TERF2: variants seen among roughly 807,000 people sequenced by gnomAD.
TERF2 encodes the protein telomeric repeat-binding factor 2.
Under a neutral mutation model 56.1 loss-of-function variants are expected in TERF2, and 16 were observed. That is an observed-to-expected ratio of 0.29 (90% CI 0.19 to 0.43). TERF2 has a LOEUF of 0.43. TERF2 is among the 20% of genes least tolerant of loss of function. TERF2 has a pLI of 1.00. For synonymous variants in TERF2, 296 were observed against 282.1 expected, an observed-to-expected ratio of 1.05 and a Z score of -0.50; for missense variants, 547 against 712.9, an observed-to-expected ratio of 0.77 and a Z score of 2.65.
chr16:69,371,455 T>C (rs2013570684), intron 4 of TERF2, among the ~76,000 whole-genome samples: 1 of 141,278 alleles, frequency 7.1e-6, no homozygotes, highest in Admixed American at 7.7e-5. Flanking sequence ...GAGCCAAGAT[T>C]GGGCCACTAT....
Position 69,385,378 on chromosome 16 carries a change from A to G in TERF2, c.475+13T>C, listed in dbSNP as rs750403772. On this transcript the variant is annotated intron_variant, in intron 2 of 9. Coordinates refer to ENST00000254942, the MANE Select transcript of TERF2 (RefSeq NM_005652.5). ...GCAAGTAAGCCCAGAGAAGAACACA[A>G]AAATAGCCATACCTAAATTTTCCCC... 1 of 1,612,102 alleles carries G rather than the reference A, an allele frequency of 6.2e-7. No individual in the cohort carries two copies. The highest frequency in any genetic ancestry group is 2.2e-5 in the East Asian group (1 of 44,862).
In TERF2 at chr16:69,356,478, A is replaced by C; in HGVS notation, c.*420T>G. The C allele has an allele frequency of 3.6e-6, 1 of 275,774 alleles. No individual in the cohort carries two copies. Among genetic ancestry groups the C allele is most frequent in the South Asian group, 3.4e-5 (1 of 29,528 alleles). The allele number at this position is 275,774 out of a possible 1,614,324, so 17.1% of individuals were successfully genotyped here. The stretch of plus-strand genomic sequence containing the variant: ...TCCCCCACGTCGAAGGAGGTTGCCC[A>C]AAATTCTCATCCCAGCCCAGCTTCT... On this transcript the variant is annotated 3_prime_UTR_variant, in exon 10 of 10. Transcript: ENST00000254942.
Position 69,377,857 on chromosome 16 carries a change from T to C in TERF2, c.607-5502A>G, listed in dbSNP as rs184524486. On this transcript the variant is annotated intron_variant, in intron 3 of 9. Transcript: ENST00000254942. ...AACTTACAGGATTTTTTTTTTTGTA[T>C]ACTTCATGAGATTTCTACATAGTCC... Among the ~76,000 whole-genome samples the C allele has an allele frequency of 1.5e-3, 224 of 152,284 alleles. 1 individual carries two copies. The highest frequency in any genetic ancestry group is 4.0e-3 in the Admixed American group (61 of 15,294).
intron 8 of TERF2, among the ~76,000 whole-genome samples, chr16:69,360,227 A>C (rs1453239104): frequency 2.0e-5 from 3 of 152,038 alleles, no homozygotes; most frequent in Non-Finnish European, 4.4e-5. Context: ...ACTACTAAAA[A>C]TACAAAAATT....
At chr16:69,367,564 T>C (rs2013400304) in intron 6 of TERF2, among the ~76,000 whole-genome samples, 1 of 152,070 alleles carries the variant, frequency 6.6e-6, no homozygotes, top group Non-Finnish European at 1.5e-5. Flanking sequence ...ACAACACACT[T>C]AAGAGCAGGA....
chr16:69,368,447 G>A lies in TERF2; in HGVS notation c.876C>T (p.Ala292=), dbSNP rs755518026. Residue 292 remains alanine, a synonymous_variant, in exon 6 of 10, where the codon GCC becomes GCT. Coordinates refer to ENST00000254942, the MANE Select transcript of TERF2 (RefSeq NM_005652.5). The part of the protein sequence containing the change: ...AKKALKSESA[A]SSTGKEDKQP... Reference sequence around the variant, plus strand: ...GTTTATCTTCCTTCCCTGTACTTGAGGCAGCGGACTCAGATTTCAAAGCCT... The same window carrying A: ...GTTTATCTTCCTTCCCTGTACTTGAAGCAGCGGACTCAGATTTCAAAGCCT... 1.2e-6 allele frequency: 2 copies of A among 1,614,104 alleles called. No individual in the cohort carries two copies. Among genetic ancestry groups the A allele is most frequent in the Non-Finnish European group, 1.7e-6 (2 of 1,180,022 alleles).
chr16:69,378,286 G>A (rs956513199), intron 3 of TERF2, among the ~76,000 whole-genome samples: 2 of 152,162 alleles, frequency 1.3e-5, no homozygotes, highest in African/African-American at 4.8e-5. Context: ...CAAGCAGCAG[G>A]ACAGACAGTG....
At chr16:69,385,525 C>T in intron 1 of TERF2, 39 bp from the exon 2 acceptor site, 4 of 1,612,626 alleles carry the variant, frequency 2.5e-6, no homozygotes, top group Non-Finnish European at 3.4e-6. Context: ...GACCCCCAGT[C>T]CCGACTCCCG....
chr16:69,382,153 A>T (rs184117943), intron 3 of TERF2, among the ~76,000 whole-genome samples: 1 of 152,360 alleles, frequency 6.6e-6, no homozygotes, highest in East Asian at 1.9e-4. Context: ...GGCTTCTCTG[A>T]AAGGGTCCTG....
chr16:69,365,716 G>A (rs2013318661), intron 7 of TERF2: 1 of 152,262 alleles, frequency 6.6e-6, no homozygotes, highest in African/African-American at 2.4e-5. Flanking sequence ...AGTAGAGACG[G>A]AGTTTCACCA....
At chr16:69,379,373 T>C (rs1015241931) in intron 3 of TERF2, among the ~76,000 whole-genome samples, 1 of 152,262 alleles carries the variant, frequency 6.6e-6, no homozygotes, top group Non-Finnish European at 1.5e-5. Context: ...ATCAAGCTGC[T>C]GTTGCCAAAG....
At chr16:69,377,399 C>T (rs1407305891) in intron 3 of TERF2, among the ~76,000 whole-genome samples, 1 of 152,008 alleles carries the variant, frequency 6.6e-6, no homozygotes, top group Non-Finnish European at 1.5e-5. Flanking sequence ...GCAATCTCAG[C>T]TCACTGCAAC....
At chr16:69,372,649 C>A (rs1327663941) in intron 3 of TERF2, among the ~76,000 whole-genome samples, 2 of 152,102 alleles carry the variant, frequency 1.3e-5, no homozygotes, top group Admixed American at 1.3e-4. Flanking sequence ...GTAATCCCAG[C>A]TACTCGGGAG....
intron 2 of TERF2, 116 bp from the exon 3 acceptor site, chr16:69,384,826 C>T (rs2014130687): frequency 2.0e-6 from 2 of 1,010,776 alleles, no homozygotes; most frequent in Admixed American, 7.3e-5. Flanking sequence ...GTAAGATTTG[C>T]ATTTAATTTT....
intron 7 of TERF2, 152 bp from the exon 8 acceptor site, chr16:69,361,641 G>T: frequency 1.6e-6 from 1 of 642,806 alleles, no homozygotes; most frequent in Non-Finnish European, 2.8e-6. Flanking sequence ...CAAAGCCACT[G>T]TCCTTTCTCC....
At chr16:69,385,558 G>C in intron 1 of TERF2, 35 bp downstream of exon 1, 1 of 1,540,578 alleles carries the variant, frequency 6.5e-7, no homozygotes, top group East Asian at 2.3e-5. Flanking sequence ...CCCTTCCCCG[G>C]CGCTCCAACC....
At position 69,357,035 on chromosome 16, in the gene TERF2, C is replaced by T. The variant is rs150757154; in HGVS notation, c.1492G>A (p.Glu498Lys). Residue 498 changes from glutamate to lysine, a missense_variant, in exon 10 of 10, where the codon GAG becomes AAG. Physicochemically the swap from Glu to Lys is moderately conservative, Grantham distance 56 (BLOSUM62 1). Around this residue, in one of 6 missense-constraint regions of TERF2, gnomAD observed 33 missense variants for 69.9 expected, o/e 0.47. Coordinates refer to ENST00000254942, the MANE Select transcript of TERF2 (RefSeq NM_005652.5). Reference protein sequence around the residue: ...KKQKWTVEESEWVKAGVQKYG... With the variant: ...KKQKWTVEESKWVKAGVQKYG... ...TTCTGCACTCCAGCCTTGACCCACTCGCTTTCTTCTACAGTCCACTTCTGC... is the reference window on the plus strand; with the variant it reads ...TTCTGCACTCCAGCCTTGACCCACTTGCTTTCTTCTACAGTCCACTTCTGC... The T allele has an allele frequency of 2.2e-3, 3,596 of 1,611,820 alleles. 6 individuals are homozygous for T. Among genetic ancestry groups the T allele is most frequent in the Non-Finnish European group, 2.8e-3 (3,274 of 1,179,396 alleles).
chr16:69,358,117 A>G (rs964103232), intron 8 of TERF2, among the ~76,000 whole-genome samples: 1 of 151,736 alleles, frequency 6.6e-6, no homozygotes, highest in Non-Finnish European at 1.5e-5. Context: ...GGCTCACACC[A>G]TTCTCCTGCC....
chr16:69,364,748 T>G (rs2013276236), intron 7 of TERF2, among the ~76,000 whole-genome samples: 1 of 152,194 alleles, frequency 6.6e-6, no homozygotes, highest in Non-Finnish European at 1.5e-5. Flanking sequence ...CTATAAAATC[T>G]GAGCCACCTA....
Sources: gnomAD v4.1 joint callset for allele counts (sites outside exome capture counted in the v4.1 genomes callset) on GRCh38, gnomAD v4.1.1 for gene constraint, gnomAD v4.1.1 regional missense constraint, MANE v1.5 for transcripts, NCBI Gene and HGNC (gene_info 2026-07-23, HGNC 2026-07-21) for gene names.